Variants in RAB40C observed in about 807,000 individuals in gnomAD.
RAB40C encodes the protein RAB40C, member RAS oncogene family, also known as ras-related protein Rab-40C.
RAB40C carries 8 observed loss-of-function variants against 28.1 expected under a neutral mutation model. The observed-to-expected ratio is 0.28, with a 90% CI of 0.17 to 0.51. RAB40C has a LOEUF of 0.51. Among genes scored for constraint, RAB40C ranks in the 20% least tolerant of loss-of-function variants. The probability of loss-of-function intolerance (pLI) is 0.97; values close to 1 mark genes in which losing one functional copy is unlikely to be tolerated. For synonymous variants in RAB40C, 201 were observed against 171.7 expected (o/e 1.17, Z -1.34); for missense variants, 288 against 405.9 (o/e 0.71, Z 2.50).
chr16:593,717 T>G (rs539581620), intron 1 of RAB40C, among the ~76,000 whole-genome samples: 1 of 152,234 alleles, frequency 6.6e-6, no homozygotes, highest in Admixed American at 6.5e-5. Context: ...GCCCAGCACC[T>G]GTGGGAGCCC....
intron 1 of RAB40C, among the ~76,000 whole-genome samples, chr16:603,988 A>G (rs950666812): frequency 6.6e-6 from 1 of 152,044 alleles, no homozygotes; most frequent in African/African-American, 2.4e-5. Context: ...TTGTTGATGC[A>G]CATTTGGGTT....
chr16:623,704 T>G (rs2036770269), intron 3 of RAB40C, among the ~76,000 whole-genome samples: 1 of 151,806 alleles, frequency 6.6e-6, no homozygotes, highest in Non-Finnish European at 1.5e-5. Flanking sequence ...CCCAGCACTT[T>G]AGGAAGTTGA....
intron 1 of RAB40C, among the ~76,000 whole-genome samples, chr16:600,814 T>G (rs920537349): frequency 6.6e-6 from 1 of 152,174 alleles, no homozygotes; most frequent in African/African-American, 2.4e-5. Context: ...AACACATAAT[T>G]CATTATCAGC....
intron 1 of RAB40C, among the ~76,000 whole-genome samples, chr16:594,548 C>T (rs1249578322): frequency 6.6e-6 from 1 of 152,200 alleles, no homozygotes; most frequent in African/African-American, 2.4e-5. Context: ...TTCTTCTCAT[C>T]TGGCTTGAAG....
intron 2 of RAB40C, 96 bp downstream of exon 2, chr16:617,364 C>A: frequency 6.8e-7 from 1 of 1,463,078 alleles, no homozygotes; most frequent in Non-Finnish European, 9.6e-7. Flanking sequence ...GTCCTGTTTG[C>A]ATTTCACTTG....
chr16:624,801 G>T (rs577732456), intron 3 of RAB40C: 2 of 985,456 alleles, frequency 2.0e-6, no homozygotes, highest in African/African-American at 1.7e-5. Flanking sequence ...AGTGTGAGCA[G>T]TGTGCTCCCC....
At chr16:618,478 C>A (rs111482111) in intron 3 of RAB40C, among the ~76,000 whole-genome samples, 1 of 152,270 alleles carries the variant, frequency 6.6e-6, no homozygotes, top group Non-Finnish European at 1.5e-5. Flanking sequence ...CAGCCTCCCC[C>A]TCCCGGGTTC....
intron 1 of RAB40C, among the ~76,000 whole-genome samples, chr16:601,254 G>A (rs1190685396): frequency 1.3e-5 from 2 of 152,162 alleles, no homozygotes; most frequent in African/African-American, 2.4e-5. Context: ...CTGTATCACC[G>A]AGTATCTGCT....
intron 1 of RAB40C, among the ~76,000 whole-genome samples, chr16:611,207 T>C (rs1048775642): frequency 6.6e-6 from 1 of 152,158 alleles, no homozygotes; most frequent in East Asian, 1.9e-4. Flanking sequence ...CCCCAGGCTT[T>C]TCCCGGCATC....
intron 3 of RAB40C, among the ~76,000 whole-genome samples, chr16:623,485 TA>T (rs1028262156): frequency 5.4e-5 from 8 of 149,528 alleles, no homozygotes; most frequent in Non-Finnish European, 7.4e-5. Context: ...CTGTCTCTAC[TA>T]AAAAAAAATA....
In RAB40C at chr16:627,716, T is replaced by C; in HGVS notation, c.*94T>C. ...AGGCCAGTGCCGCCTACGTGGAGAC[T>C]GTCCACACAGCTGCCTCAGAAGCGC... is the stretch of plus-strand genomic sequence containing the variant. On this transcript the variant is annotated 3_prime_UTR_variant, in exon 6 of 6. Coordinates refer to ENST00000248139, the MANE Select transcript of RAB40C (RefSeq NM_021168.5). The C allele has an allele frequency of 1.4e-6, 2 of 1,396,182 alleles. No individual in the cohort carries two copies. The highest frequency in any genetic ancestry group is 1.9e-6 in the Non-Finnish European group (2 of 1,049,068). 86.5% of individuals were successfully genotyped at this position (1,396,182 alleles called of 1,614,324 possible). A position where few individuals can be genotyped will look rare whatever the true frequency, so the allele number is the denominator to read the frequency against.
At chr16:594,754 A>G (rs902465924) in intron 1 of RAB40C, among the ~76,000 whole-genome samples, 1 of 150,920 alleles carries the variant, frequency 6.6e-6, no homozygotes, top group African/African-American at 2.4e-5. Flanking sequence ...GTTGGGCACC[A>G]CTGACCACTG....
intron 1 of RAB40C, among the ~76,000 whole-genome samples, chr16:608,368 G>C (rs998095808): frequency 7.2e-5 from 11 of 152,150 alleles, no homozygotes; most frequent in African/African-American, 2.7e-4. Flanking sequence ...AGATTTGGGC[G>C]GGGACACAGC....
intron 1 of RAB40C, among the ~76,000 whole-genome samples, chr16:597,323 T>G (rs1163174406): frequency 6.6e-6 from 1 of 152,058 alleles, no homozygotes; most frequent in Non-Finnish European, 1.5e-5. Flanking sequence ...ACTCGGCCCC[T>G]GAGCAGCCTT....
In RAB40C at chr16:627,763, C is replaced by T. The variant is rs1404904187; in HGVS notation, c.*141C>T. 8 of 1,119,028 alleles carry T rather than the reference C, an allele frequency of 7.1e-6. No homozygotes were observed. Among genetic ancestry groups the T allele is most frequent in the African/African-American group, 1.6e-5 (1 of 63,138 alleles). 69.3% of individuals were successfully genotyped at this position (1,119,028 alleles called of 1,614,324 possible). A position where few individuals can be genotyped will look rare whatever the true frequency, so the allele number is the denominator to read the frequency against. ...GCGCCGGGCTTTCCTCACACCTGAG[C>T]CGGGTGCGAGGAGGAGCATGCACGG... On this transcript the variant is annotated 3_prime_UTR_variant, in exon 6 of 6. Coordinates refer to ENST00000248139, the MANE Select transcript of RAB40C (RefSeq NM_021168.5).
At chr16:620,576 G>T (rs2036689514) in intron 3 of RAB40C, among the ~76,000 whole-genome samples, 1 of 151,944 alleles carries the variant, frequency 6.6e-6, no homozygotes, top group African/African-American at 2.4e-5. Context: ...GGAAAAGGCA[G>T]CAGGGAGGCT....
upstream of RAB40C, chr16:589,998 G>T (rs564332017): frequency 2.0e-5 from 3 of 151,242 alleles, no homozygotes; most frequent in South Asian, 1.8e-4. Flanking sequence ...ACGGACGGGC[G>T]GGTGGGCCAA....
chr16:591,892 G>A (rs2036007649), intron 1 of RAB40C, among the ~76,000 whole-genome samples: 1 of 152,208 alleles, frequency 6.6e-6, no homozygotes, highest in African/African-American at 2.4e-5. Context: ...ACTGCGCCTG[G>A]CCTGAACGTT....
At chr16:618,019 G>A (rs2036623462) in intron 2 of RAB40C, among the ~76,000 whole-genome samples, 181 bp from the exon 3 acceptor site, 2 of 152,220 alleles carry the variant, frequency 1.3e-5, no homozygotes, top group South Asian at 4.1e-4. Flanking sequence ...GCCTGGCTCA[G>A]CGGCACGGCG....
Sources: gnomAD v4.1 joint callset for allele counts (sites outside exome capture counted in the v4.1 genomes callset) on GRCh38, gnomAD v4.1.1 for gene constraint, MANE v1.5 for transcripts, NCBI Gene and HGNC (gene_info 2026-07-23, HGNC 2026-07-21) for gene names.